EPHA7: variants seen among roughly 807,000 people sequenced by gnomAD.
The protein encoded by EPHA7 is EPH receptor A7, also known as ephrin type-A receptor 7.
A neutral mutation model predicts 112.6 loss-of-function variants in EPHA7; 25 were observed. That is an observed-to-expected ratio of 0.22 (90% confidence interval 0.16 to 0.31). The LOEUF is 0.31. Ranked by LOEUF, EPHA7 falls within the 10% of genes least tolerant of loss-of-function variation. EPHA7 has a pLI of 1.00. For missense variants in EPHA7, 962 were observed against 1,212.6 expected, an observed-to-expected ratio of 0.79 and a Z score of 3.07; for synonymous variants, 437 against 406.5, an observed-to-expected ratio of 1.07 and a Z score of -0.90.
intron 3 of EPHA7, among the ~76,000 whole-genome samples, chr6:93,399,041 G>A (rs1778313730): frequency 6.6e-6 from 1 of 152,054 alleles, no homozygotes; most frequent in South Asian, 2.1e-4. Context: ...AGATATTGCA[G>A]AAGGGTGATT....
chr6:93,289,096 C>T (rs1173030225), intron 5 of EPHA7, among the ~76,000 whole-genome samples: 1 of 151,850 alleles, frequency 6.6e-6, no homozygotes, highest in Non-Finnish European at 1.5e-5. Flanking sequence ...GCTTTTTTTC[C>T]CCCCATATAA....
chr6:93,253,183 T>TTTTGACAGTCCATGAAATC (rs1770291452), intron 14 of EPHA7, among the ~76,000 whole-genome samples: 2 of 152,000 alleles, frequency 1.3e-5, no homozygotes, highest in Admixed American at 1.3e-4. Flanking sequence ...TTTGTCCAAA[T>TTTTGACAGTCCATGAAATC]TTTGACAGTC....
intron 5 of EPHA7, among the ~76,000 whole-genome samples, chr6:93,332,019 A>G (rs966541194): frequency 1.3e-4 from 19 of 151,652 alleles, no homozygotes. Flanking sequence ...CACACCTGAC[A>G]TTGTTAGGTG....
chr6:93,284,924 A>T (rs1035604849), intron 5 of EPHA7, among the ~76,000 whole-genome samples: 4 of 152,024 alleles, frequency 2.6e-5, no homozygotes, highest in Non-Finnish European at 5.9e-5. Flanking sequence ...GCAGCAAACC[A>T]CCATGGCGTG....
chr6:93,317,115 A>G (rs1029568042), intron 5 of EPHA7, among the ~76,000 whole-genome samples: 1 of 152,110 alleles, frequency 6.6e-6, no homozygotes, highest in Non-Finnish European at 1.5e-5. Context: ...TCTAGGATGC[A>G]AGCAAACTTA....
intron 5 of EPHA7, among the ~76,000 whole-genome samples, chr6:93,321,551 A>T (rs1231101707): frequency 6.6e-6 from 1 of 151,896 alleles, no homozygotes; most frequent in Admixed American, 6.6e-5. Context: ...GTGTTTGTTT[A>T]TTAAGTTTAA....
At chr6:93,405,748 A>G (rs1017854130) in intron 3 of EPHA7, among the ~76,000 whole-genome samples, 1 of 146,202 alleles carries the variant, frequency 6.8e-6, no homozygotes, top group Admixed American at 7.0e-5. Flanking sequence ...CATCTGAGCT[A>G]CTAACCCACT....
In EPHA7 at chr6:93,240,744, A is replaced by AT. The variant is rs1226833567; in HGVS notation, c.*2681dup. On this transcript the variant is annotated 3_prime_UTR_variant, in exon 17 of 17. Transcript: ENST00000369303. ...CTTTTCCTCCCCTGAGCACTAATTT[A>AT]TTTAAAAAAAAAGATTTCAAGGTGC... 1.9e-5 allele frequency: 4 copies of AT among 211,740 alleles called. No homozygotes were observed. Among genetic ancestry groups the AT allele is most frequent in the African/African-American group, 9.4e-5 (4 of 42,608 alleles). 13.1% of individuals were successfully genotyped at this position (211,740 alleles called of 1,614,324 possible).
At chr6:93,309,392 T>G (rs1017961515) in intron 5 of EPHA7, among the ~76,000 whole-genome samples, 1 of 152,216 alleles carries the variant, frequency 6.6e-6, no homozygotes, top group African/African-American at 2.4e-5. Context: ...TATGAAATGC[T>G]GATATGAAGA....
intron 3 of EPHA7, among the ~76,000 whole-genome samples, chr6:93,384,027 T>C (rs974012075): frequency 2.0e-5 from 3 of 152,160 alleles, no homozygotes; most frequent in Admixed American, 6.6e-5. Context: ...ATAAACCTTT[T>C]ATGAGGAGAT....
intron 5 of EPHA7, among the ~76,000 whole-genome samples, chr6:93,344,808 C>T (rs916170257): frequency 4.0e-5 from 6 of 151,532 alleles, no homozygotes; most frequent in Non-Finnish European, 7.4e-5. Context: ...TTCAACTGGC[C>T]TGGCCACCCC....
chr6:93,303,352 T>C (rs900819598), intron 5 of EPHA7, among the ~76,000 whole-genome samples: 2 of 152,170 alleles, frequency 1.3e-5, no homozygotes, highest in Admixed American at 6.6e-5. Flanking sequence ...CTTCTGTGTT[T>C]GCCTGTTTCA....
chr6:93,272,186 A>AT (rs1771256143), intron 6 of EPHA7, 112 bp downstream of exon 6: 2 of 1,191,758 alleles, frequency 1.7e-6, no homozygotes, highest in African/African-American at 3.1e-5. Context: ...TTAACTACGA[A>AT]GTTTGAAGTA....
intron 5 of EPHA7, among the ~76,000 whole-genome samples, chr6:93,300,727 T>C (rs973548038): frequency 4.6e-5 from 7 of 152,200 alleles, no homozygotes; most frequent in African/African-American, 1.7e-4. Flanking sequence ...GGGAATATTG[T>C]TTAATTTGTT....
chr6:93,364,535 CAAA>C (rs35503890), intron 3 of EPHA7, among the ~76,000 whole-genome samples: 1 of 90,360 alleles, frequency 1.1e-5, no homozygotes, highest in Non-Finnish European at 2.3e-5. Flanking sequence ...AACTCCGTCT[CAAA>C]AAAAAAAAAA....
chr6:93,364,984 T>G (rs1037251076), intron 3 of EPHA7, among the ~76,000 whole-genome samples: 2 of 152,210 alleles, frequency 1.3e-5, no homozygotes, highest in Admixed American at 6.5e-5. Context: ...ATTGAATTTC[T>G]GAATAGATAT....
At chr6:93,279,199 C>T (rs1228569929) in intron 5 of EPHA7, among the ~76,000 whole-genome samples, 1 of 152,120 alleles carries the variant, frequency 6.6e-6, no homozygotes, top group African/African-American at 2.4e-5. Context: ...TATTTGGTAT[C>T]CTTCCAGAAA....
Position 93,272,291 on chromosome 6 carries a change from C to T in EPHA7, c.1449+7G>A. ...CATTGTACATTTCAGTTGCTCTTAGCACTTACTTTCTCGTAATACTTGATT... is the reference window on the plus strand; with the variant it reads ...CATTGTACATTTCAGTTGCTCTTAGTACTTACTTTCTCGTAATACTTGATT... On this transcript the variant is annotated splice_region_variant and intron_variant, in intron 6 of 16. Coordinates refer to ENST00000369303, the MANE Select transcript of EPHA7 (RefSeq NM_004440.4). 1 of 1,611,290 alleles carries T rather than the reference C, an allele frequency of 6.2e-7. No individual in the cohort carries two copies. Among genetic ancestry groups the T allele is most frequent in the Admixed American group, 1.7e-5 (1 of 59,882 alleles).
At chr6:93,385,613 A>T (rs1777560120) in intron 3 of EPHA7, among the ~76,000 whole-genome samples, 1 of 152,020 alleles carries the variant, frequency 6.6e-6, no homozygotes, top group African/African-American at 2.4e-5. Context: ...AGAATGAGAC[A>T]ATGATGGGTA....
Sources: gnomAD v4.1 joint callset for allele counts (sites outside exome capture counted in the v4.1 genomes callset) on GRCh38, gnomAD v4.1.1 for gene constraint, MANE v1.5 for transcripts, NCBI Gene and HGNC (gene_info 2026-07-23, HGNC 2026-07-21) for gene names.